Variants in KDM4B observed in about 807,000 individuals in gnomAD.
The protein encoded by KDM4B is lysine demethylase 4B, also known as lysine-specific demethylase 4B.
Under a neutral mutation model 125.2 loss-of-function variants are expected in KDM4B, and 32 were observed. That is an observed-to-expected ratio of 0.26 (90% CI 0.19 to 0.34). The LOEUF is 0.34. KDM4B is among the 10% of genes least tolerant of loss of function. The pLI is 1.00. For missense variants in KDM4B, 1,190 were observed against 1,577.7 expected, an observed-to-expected ratio of 0.75 and a Z score of 4.16; for synonymous variants, 721 against 677.9, an observed-to-expected ratio of 1.06 and a Z score of -0.99.
At position 5,077,125 on chromosome 19, in the gene KDM4B, C is replaced by A. The variant is rs1599565986; in HGVS notation, c.677-242C>A. 7.1e-6 allele frequency: 4 copies of A among 562,462 alleles called. No individual in the cohort carries two copies. The East Asian group carries it at 1.2e-4, about 17-fold the overall frequency. The allele number at this position is 562,462 out of a possible 1,614,324, so 34.8% of individuals were successfully genotyped here. The stretch of plus-strand genomic sequence containing the variant: ...ACTGCGCAGAGGCCAGAGGGTGTCA[C>A]CACTGTCTGCCACCTGCAGAGCTCA... On this transcript the variant is annotated intron_variant, in intron 7 of 22. Transcript: ENST00000159111.
intron 2 of KDM4B, among the ~76,000 whole-genome samples, chr19:5,023,981 G>A (rs942791720): frequency 6.6e-6 from 1 of 151,936 alleles, no homozygotes; most frequent in Non-Finnish European, 1.5e-5. Flanking sequence ...TGAACATCTA[G>A]CCCCAAGTGA....
intron 1 of KDM4B, among the ~76,000 whole-genome samples, chr19:4,974,995 G>T (rs1274704745): frequency 6.6e-6 from 1 of 152,030 alleles, no homozygotes; most frequent in Non-Finnish European, 1.5e-5. Context: ...CAGGACCTGT[G>T]CACTTGCTGT....
chr19:5,056,576 T>C (rs1366172080), intron 6 of KDM4B, among the ~76,000 whole-genome samples: 1 of 152,120 alleles, frequency 6.6e-6, no homozygotes, highest in Non-Finnish European at 1.5e-5. Context: ...TGGCTGATTT[T>C]TGTATTTTTA....
rs1189073528 is a variant in KDM4B, at chr19:5,039,374, G to C, written c.142-462G>C. On this transcript the variant is annotated intron_variant, in intron 3 of 22. Transcript: ENST00000159111. Reference sequence around the variant, plus strand: ...GGAGGCTGAGGTGGGAGGATCACGTGAGTCCAGGAGTTGGAGGCTGCAGTG... The same window carrying C: ...GGAGGCTGAGGTGGGAGGATCACGTCAGTCCAGGAGTTGGAGGCTGCAGTG... Among the ~76,000 whole-genome samples, 6 of 152,190 alleles carry C rather than the reference G, an allele frequency of 3.9e-5. 1 individual carries two copies. In the East Asian group the frequency reaches 1.2e-3, roughly 29 times the overall value.
chr19:4,972,270 C>T (rs987239559), intron 1 of KDM4B, among the ~76,000 whole-genome samples: 16 of 152,236 alleles, frequency 1.1e-4, no homozygotes, highest in African/African-American at 3.9e-4. Context: ...CAGATCCCTC[C>T]TCTGAGGCAG....
At chr19:5,106,912 A>C (rs1458904829) in intron 9 of KDM4B, among the ~76,000 whole-genome samples, 1 of 152,164 alleles carries the variant, frequency 6.6e-6, no homozygotes. Flanking sequence ...GGTGGGCCCA[A>C]CCTGTAGATG....
chr19:4,986,541 G>T (rs372375018), intron 1 of KDM4B, among the ~76,000 whole-genome samples: 10 of 152,334 alleles, frequency 6.6e-5, no homozygotes, highest in African/African-American at 2.4e-4. Flanking sequence ...GGGCTCGGGA[G>T]GCTGTGTCCT....
At chr19:5,077,653 C>G (rs183408295) in intron 8 of KDM4B, 183 bp downstream of exon 8, 30 of 576,232 alleles carry the variant, frequency 5.2e-5, no homozygotes, top group Non-Finnish European at 8.3e-5. Flanking sequence ...CACGGGGAAG[C>G]GAAGATGGCA....
chr19:5,056,971 G>A (rs2037419860), intron 6 of KDM4B, among the ~76,000 whole-genome samples: 1 of 152,044 alleles, frequency 6.6e-6, no homozygotes, highest in Non-Finnish European at 1.5e-5. Flanking sequence ...ATTTCTTGCT[G>A]TGAAACATGA....
chr19:5,059,808 A>C (rs1279296714), intron 6 of KDM4B, among the ~76,000 whole-genome samples: 1 of 152,072 alleles, frequency 6.6e-6, no homozygotes, highest in East Asian at 1.9e-4. Flanking sequence ...GAGCATTTTA[A>C]TAGATGGGAG....
At chr19:5,098,037 A>G (rs1023815301) in intron 9 of KDM4B, among the ~76,000 whole-genome samples, 7 of 152,210 alleles carry the variant, frequency 4.6e-5, no homozygotes, top group Non-Finnish European at 7.3e-5. Context: ...AGGGGCTTCA[A>G]AAGTGCTTGT....
At chr19:5,041,931 G>A (rs898792391) in intron 5 of KDM4B, among the ~76,000 whole-genome samples, 4 of 152,248 alleles carry the variant, frequency 2.6e-5, no homozygotes, top group East Asian at 1.9e-4. Flanking sequence ...GTGGCCCGCA[G>A]GGGACTGGGT....
intron 1 of KDM4B, among the ~76,000 whole-genome samples, chr19:5,013,391 G>T (rs948323427): frequency 2.6e-5 from 4 of 152,162 alleles, no homozygotes; most frequent in African/African-American, 7.2e-5. Flanking sequence ...CTGAAGTCAG[G>T]GAGGTACCCT....
intron 8 of KDM4B, among the ~76,000 whole-genome samples, chr19:5,080,410 G>C (rs2038254647): frequency 1.3e-5 from 2 of 152,198 alleles, no homozygotes; most frequent in Non-Finnish European, 2.9e-5. Context: ...GATGAATTCG[G>C]CGTGAGGGGC....
At chr19:5,101,281 T>G (rs2085870617) in intron 9 of KDM4B, among the ~76,000 whole-genome samples, 1 of 151,972 alleles carries the variant, frequency 6.6e-6, no homozygotes, top group Admixed American at 6.6e-5. Flanking sequence ...TTTTGTTTTT[T>G]TTTTGATAGT....
In KDM4B at chr19:5,081,234, C is replaced by A. The variant is rs368282938; in HGVS notation, c.781-1133C>A. On this transcript the variant is annotated intron_variant, in intron 8 of 22. Transcript: ENST00000159111. The surrounding 1 kb of genome is among the most constrained non-coding windows in gnomAD (Gnocchi z 4.2). ...TCAGTTTCCACGTCTGTGGATTGGG[C>A]CCACAGCCCCACCTCCTAGAAGCCC... Among the ~76,000 whole-genome samples, 19 of 152,200 alleles carry A rather than the reference C, an allele frequency of 1.2e-4. No individual in the cohort carries two copies. The highest frequency in any genetic ancestry group is 1.2e-3 in the East Asian group (6 of 5,202).
At chr19:4,982,762 G>T (rs1267469332) in intron 1 of KDM4B, among the ~76,000 whole-genome samples, 1 of 151,974 alleles carries the variant, frequency 6.6e-6, no homozygotes, top group Non-Finnish European at 1.5e-5. Context: ...ACAGGCGCGT[G>T]CCACCACACC....
At chr19:5,029,985 G>A (rs1568239498) in intron 2 of KDM4B, among the ~76,000 whole-genome samples, 4 of 152,352 alleles carry the variant, frequency 2.6e-5, no homozygotes, top group East Asian at 1.9e-4. Context: ...GTTTTGATGC[G>A]TAACCTGCCA....
Position 5,035,536 on chromosome 19 carries a change from C to T in KDM4B, c.141+2505C>T, listed in dbSNP as rs1482162790. 1.3e-5 allele frequency among the ~76,000 whole-genome samples: 2 copies of T among 152,246 alleles called. No homozygotes were observed. Among genetic ancestry groups the T allele is most frequent in the South Asian group, 2.1e-4 (1 of 4,822 alleles). On this transcript the variant is annotated intron_variant, in intron 3 of 22. Transcript: ENST00000159111. This position sits in a 1 kb window ranked among gnomAD's most constrained non-coding sequence, Gnocchi z 5.3. ...TTCCCGGGTGGCCTGTCCTCCCCCG[C>T]GCTGGCACCTCCGCTTCGTCCCTCC...
Sources: allele counts gnomAD v4.1 joint callset (sites outside exome capture counted in the v4.1 genomes callset), GRCh38; gene constraint gnomAD v4.1.1; non-coding constraint Gnocchi (gnomAD v3.1); transcripts MANE v1.5; gene names NCBI Gene and HGNC (gene_info 2026-07-23, HGNC 2026-07-21).